Variants in ANKRD31 observed in about 807,000 individuals in gnomAD.
ANKRD31 encodes ankyrin repeat domain 31.
A neutral mutation model predicts 186.0 loss-of-function variants in ANKRD31; 147 were observed. That is an observed-to-expected ratio of 0.79 (90% CI 0.69 to 0.91). ANKRD31 has a LOEUF of 0.91. ANKRD31 is among the 40% of genes least tolerant of loss of function. The pLI is 0.00. For missense variants in ANKRD31, 1,986 were observed against 2,148.8 expected, an observed-to-expected ratio of 0.92 and a Z score of 1.50; for synonymous variants, 673 against 736.4, an observed-to-expected ratio of 0.91 and a Z score of 1.39.
At chr5:75,118,888 A>G (rs566705350) in intron 17 of ANKRD31, among the ~76,000 whole-genome samples, 5 of 152,214 alleles carry the variant, frequency 3.3e-5, no homozygotes, top group Non-Finnish European at 7.4e-5. Flanking sequence ...GCTGGAGGAT[A>G]GGGTAGAAAA....
rs1755455587 is a variant in ANKRD31 at position 75,196,186 on chromosome 5, G to C, written c.462C>G (p.Gly154=). ...GAAGGCTAACTTCAGGAGAATCTCT[G>C]CCTTCACTTAGTTCCTGTGTATTAC... ...LPHIEKELSE[G]RDSPEVSLLS... Residue 154 remains glycine, a synonymous_variant, in exon 7 of 26, where the codon GGC becomes GGG. Coordinates refer to ENST00000506364, the MANE Select transcript of ANKRD31 (RefSeq NM_001372053.1). 1 of 1,476,768 alleles carries C rather than the reference G, an allele frequency of 6.8e-7. No individual in the cohort carries two copies. The highest frequency in any genetic ancestry group is 1.4e-5 in the African/African-American group (1 of 70,604). The allele number at this position is 1,476,768 out of a possible 1,614,324, so 91.5% of individuals were successfully genotyped here.
At chr5:75,111,200 G>C (rs1289484026) in intron 20 of ANKRD31, among the ~76,000 whole-genome samples, 3 of 101,902 alleles carry the variant, frequency 2.9e-5, no homozygotes, top group Admixed American at 2.6e-4. Context: ...TATGTTCTTA[G>C]ACAAAAAAAA....
chr5:75,201,326 G>A (rs557521954), intron 5 of ANKRD31, among the ~76,000 whole-genome samples: 4 of 152,250 alleles, frequency 2.6e-5, no homozygotes, highest in Admixed American at 2.0e-4. Context: ...CCTTGGTTTA[G>A]AATTATTCCT....
In ANKRD31 at chr5:75,180,918, A is replaced by T. The variant is rs567153283; in HGVS notation, c.1564+7575T>A. 2.0e-5 allele frequency among the ~76,000 whole-genome samples: 3 copies of T among 152,268 alleles called. No homozygotes were observed. The South Asian group carries it at 6.2e-4, about 32-fold the overall frequency. The stretch of plus-strand genomic sequence containing the variant: ...AAACTAAAGAGCTTCTGCACAGCAA[A>T]AGAAACCACCATCAGAGTGAACAGG... On this transcript the variant is annotated intron_variant, in intron 10 of 25. Coordinates refer to ENST00000506364, the MANE Select transcript of ANKRD31 (RefSeq NM_001372053.1).
At chr5:75,159,411 C>T (rs1463350469) in intron 11 of ANKRD31, among the ~76,000 whole-genome samples, 2 of 151,768 alleles carry the variant, frequency 1.3e-5, no homozygotes, top group African/African-American at 4.8e-5. Flanking sequence ...AAAAGATAAA[C>T]AAAAGGGATA....
intron 23 of ANKRD31, among the ~76,000 whole-genome samples, chr5:75,090,619 C>G (rs765767081): frequency 5.9e-5 from 9 of 152,190 alleles, no homozygotes; most frequent in South Asian, 4.1e-4. Flanking sequence ...AATTTTAAGA[C>G]TGTCCCTGAA....
chr5:75,197,787 A>G (rs1268413291), intron 6 of ANKRD31, among the ~76,000 whole-genome samples: 1 of 152,190 alleles, frequency 6.6e-6, no homozygotes, highest in African/African-American at 2.4e-5. Context: ...CATTAAACAG[A>G]ATACAAATAA....
chr5:75,085,408 A>AC (rs1358760007), intron 23 of ANKRD31, among the ~76,000 whole-genome samples: 1 of 150,836 alleles, frequency 6.6e-6, no homozygotes, highest in East Asian at 1.9e-4. Flanking sequence ...TTACTCTGTC[A>AC]CCCAGGCTGG....
intron 10 of ANKRD31, among the ~76,000 whole-genome samples, chr5:75,171,485 T>C (rs900637671): frequency 2.6e-5 from 4 of 151,844 alleles, no homozygotes; most frequent in Admixed American, 2.0e-4. Flanking sequence ...TAGAGGTAAA[T>C]TAAAGCTTTA....
At chr5:75,139,060 A>T (rs1237603497) in intron 15 of ANKRD31, 77 bp from the exon 16 acceptor site, 1 of 1,458,314 alleles carries the variant, frequency 6.9e-7, no homozygotes, top group Non-Finnish European at 9.2e-7. Flanking sequence ...AATACATAAC[A>T]ACTTCCTCAA....
chr5:75,236,133 A>G (rs1758259553), intron 1 of ANKRD31, among the ~76,000 whole-genome samples: 1 of 152,146 alleles, frequency 6.6e-6, no homozygotes, highest in East Asian at 1.9e-4. Flanking sequence ...GTATAAAACT[A>G]TTCGTTTCCA....
chr5:75,192,621 T>C lies in ANKRD31; in HGVS notation c.1408+46A>G. ...TAATCTCTGAATCCTTTCTACCAAT[T>C]CTGTTTTTGTAAAAGAAATAGAAAA... On this transcript the variant is annotated intron_variant, in intron 9 of 25. Transcript: ENST00000506364. 1.5e-6 allele frequency: 2 copies of C among 1,353,928 alleles called. 1 individual carries two copies. Among genetic ancestry groups the C allele is most frequent in the Non-Finnish European group, 2.0e-6 (2 of 994,032 alleles). 83.9% of individuals were successfully genotyped at this position (1,353,928 alleles called of 1,614,324 possible). A position where few individuals can be genotyped will look rare whatever the true frequency, so the allele number is the denominator to read the frequency against.
At chr5:75,158,386 G>T (rs1752339160) in intron 11 of ANKRD31, among the ~76,000 whole-genome samples, 1 of 152,106 alleles carries the variant, frequency 6.6e-6, no homozygotes. Context: ...CACTGTGAGG[G>T]AAATAGACTT....
chr5:75,128,076 T>TAAAA (rs1409883100), intron 17 of ANKRD31, among the ~76,000 whole-genome samples: 2 of 152,206 alleles, frequency 1.3e-5, no homozygotes, highest in Non-Finnish European at 1.5e-5. Context: ...CTTTCCTTTT[T>TAAAA]ACTTTCCAAA....
At chr5:75,159,505 T>C (rs920214451) in intron 11 of ANKRD31, among the ~76,000 whole-genome samples, 1 of 152,012 alleles carries the variant, frequency 6.6e-6, no homozygotes, top group Non-Finnish European at 1.5e-5. Context: ...ACTTATCATT[T>C]AGATAAGAAC....
intron 1 of ANKRD31, among the ~76,000 whole-genome samples, chr5:75,235,343 A>G (rs912770477): frequency 2.1e-5 from 3 of 145,500 alleles, no homozygotes; most frequent in Non-Finnish European, 3.0e-5. Context: ...CCTGTTTCTC[A>G]TTACAACCAA....
chr5:75,219,301 C>T (rs1317228367), intron 3 of ANKRD31, among the ~76,000 whole-genome samples: 2 of 152,162 alleles, frequency 1.3e-5, no homozygotes, highest in African/African-American at 2.4e-5. Flanking sequence ...TTTCAGAACA[C>T]AAAATTGATG....
chr5:75,098,239 G>C (rs1472832370), intron 22 of ANKRD31, among the ~76,000 whole-genome samples: 1 of 151,938 alleles, frequency 6.6e-6, no homozygotes, highest in African/African-American at 2.4e-5. Context: ...CACCCATCTC[G>C]GCCTCCCAAA....
intron 17 of ANKRD31, among the ~76,000 whole-genome samples, chr5:75,122,190 A>T (rs1748847290): frequency 6.6e-6 from 1 of 152,072 alleles, no homozygotes; most frequent in African/African-American, 2.4e-5. Context: ...ACAAACTAGA[A>T]AACCTAAAGG....
Sources: allele counts gnomAD v4.1 joint callset (sites outside exome capture counted in the v4.1 genomes callset), GRCh38; gene constraint gnomAD v4.1.1; transcripts MANE v1.5; gene names NCBI Gene and HGNC (gene_info 2026-07-23, HGNC 2026-07-21).